Variants in CLSTN2 observed in about 807,000 individuals in gnomAD.
CLSTN2 encodes calsyntenin-2.
A neutral mutation model predicts 101.2 loss-of-function variants in CLSTN2; 48 were observed. The ratio of observed to expected loss-of-function variants is 0.47; its 90% CI spans 0.38 to 0.60. The LOEUF (loss-of-function observed/expected upper bound fraction) is 0.60, where lower values mean the gene tolerates loss of function less well. Among genes scored for constraint, CLSTN2 ranks in the 20% least tolerant of loss-of-function variants. The pLI is 0.00. For synonymous variants in CLSTN2, 481 were observed against 463.6 expected (o/e 1.04, Z -0.48); for missense variants, 1,160 against 1,238.2 (o/e 0.94, Z 0.95).
At chr3:140,011,544 A>AT (rs1207351439) in intron 1 of CLSTN2, among the ~76,000 whole-genome samples, 13 of 152,256 alleles carry the variant, frequency 8.5e-5, no homozygotes, top group African/African-American at 3.1e-4. Context: ...CCAAATGTGC[A>AT]TTTTAAAATG....
chr3:140,078,242 ACCT>A (rs2008525782), intron 1 of CLSTN2, among the ~76,000 whole-genome samples: 1 of 152,024 alleles, frequency 6.6e-6, no homozygotes, highest in South Asian at 2.1e-4. Flanking sequence ...TGCTTGACTT[ACCT>A]CCTCAATGGG....
chr3:140,442,984 T>C (rs538735085), intron 5 of CLSTN2, among the ~76,000 whole-genome samples: 34 of 152,312 alleles, frequency 2.2e-4, no homozygotes, highest in African/African-American at 7.9e-4. Flanking sequence ...ATCAAAGCCA[T>C]TCATCCCTCA....
intron 8 of CLSTN2, among the ~76,000 whole-genome samples, chr3:140,529,190 A>C (rs1935204668): frequency 6.6e-6 from 1 of 151,904 alleles, no homozygotes; most frequent in Non-Finnish European, 1.5e-5. Context: ...CACACTCCTA[A>C]CTCAGACCTC....
intron 2 of CLSTN2, among the ~76,000 whole-genome samples, chr3:140,346,917 A>T (rs1021039838): frequency 6.6e-6 from 1 of 152,238 alleles, no homozygotes; most frequent in Non-Finnish European, 1.5e-5. Flanking sequence ...CTAGTAGCAC[A>T]GATTTCCCTG....
intron 1 of CLSTN2, among the ~76,000 whole-genome samples, chr3:140,020,814 A>G (rs1030036561): frequency 8.5e-5 from 13 of 152,216 alleles, no homozygotes; most frequent in Non-Finnish European, 2.9e-5. Flanking sequence ...CTGTTAGCTC[A>G]GTGAATAAAT....
chr3:140,121,327 G>A (rs1422405342), intron 1 of CLSTN2, among the ~76,000 whole-genome samples: 1 of 152,160 alleles, frequency 6.6e-6, no homozygotes, highest in Non-Finnish European at 1.5e-5. Flanking sequence ...ATTGTGTAGG[G>A]GAAAACTTCC....
At chr3:140,186,050 C>T (rs2010481240) in intron 2 of CLSTN2, among the ~76,000 whole-genome samples, 1 of 152,070 alleles carries the variant, frequency 6.6e-6, no homozygotes, top group Non-Finnish European at 1.5e-5. Flanking sequence ...GGACGTGGGG[C>T]ATCATTAAAG....
At chr3:140,338,673 C>T (rs1253655576) in intron 2 of CLSTN2, among the ~76,000 whole-genome samples, 3 of 152,104 alleles carry the variant, frequency 2.0e-5, no homozygotes, top group Non-Finnish European at 2.9e-5. Flanking sequence ...CCTGTGAGAT[C>T]GTCTGATAAC....
intron 1 of CLSTN2, among the ~76,000 whole-genome samples, chr3:139,959,010 G>A (rs1387183665): frequency 1.3e-5 from 2 of 151,786 alleles, no homozygotes; most frequent in Non-Finnish European, 2.9e-5. Context: ...GGTGAGGAAG[G>A]GGAGGCACTG....
chr3:140,402,155 T>C (rs2088250028), intron 2 of CLSTN2, among the ~76,000 whole-genome samples: 1 of 152,202 alleles, frequency 6.6e-6, no homozygotes, highest in East Asian at 1.9e-4. Context: ...GAAAACATTG[T>C]TAGTAAGAGA....
chr3:139,977,255 G>C (rs1186422425), intron 1 of CLSTN2, among the ~76,000 whole-genome samples: 1 of 152,116 alleles, frequency 6.6e-6, no homozygotes, highest in Non-Finnish European at 1.5e-5. Context: ...AGGCAAGCAG[G>C]CTGCAGGTTC....
chr3:140,386,226 G>A (rs563780982), intron 2 of CLSTN2, among the ~76,000 whole-genome samples: 2 of 152,294 alleles, frequency 1.3e-5, no homozygotes, highest in South Asian at 2.1e-4. Context: ...AGAAGTTAAC[G>A]TACTTTGGCC....
At chr3:140,351,765 T>C (rs2107943073) in intron 2 of CLSTN2, among the ~76,000 whole-genome samples, 1 of 151,202 alleles carries the variant, frequency 6.6e-6, no homozygotes, top group Middle Eastern at 3.4e-3. Flanking sequence ...TAATCATCTT[T>C]GAAAACTTAT....
intron 1 of CLSTN2, among the ~76,000 whole-genome samples, chr3:140,166,281 A>G (rs2010133344): frequency 6.6e-6 from 1 of 152,220 alleles, no homozygotes; most frequent in African/African-American, 2.4e-5. Flanking sequence ...AGGGTCCAGT[A>G]TCTATCTTGG....
intron 1 of CLSTN2, among the ~76,000 whole-genome samples, chr3:140,165,643 A>G (rs1278827345): frequency 6.6e-6 from 1 of 152,156 alleles, no homozygotes; most frequent in Non-Finnish European, 1.5e-5. Flanking sequence ...TGGATAACCT[A>G]GAGAGCTTGG....
intron 2 of CLSTN2, among the ~76,000 whole-genome samples, chr3:140,220,454 T>C (rs1369022767): frequency 6.6e-6 from 1 of 152,228 alleles, no homozygotes; most frequent in African/African-American, 2.4e-5. Flanking sequence ...TAGTTTATAG[T>C]TTCCACTTTC....
intron 9 of CLSTN2, among the ~76,000 whole-genome samples, chr3:140,540,412 G>A (rs1935452472): frequency 6.6e-6 from 1 of 152,194 alleles, no homozygotes; most frequent in Admixed American, 6.5e-5. Context: ...TGTGTGGACC[G>A]AGTTTTAAAG....
At chr3:140,318,069 G>A (rs1422083836) in intron 2 of CLSTN2, among the ~76,000 whole-genome samples, 1 of 152,186 alleles carries the variant, frequency 6.6e-6, no homozygotes, top group Non-Finnish European at 1.5e-5. Context: ...AAGATACAAA[G>A]AAATTAGGTG....
chr3:140,170,552 T>C (rs1023468439), intron 1 of CLSTN2, among the ~76,000 whole-genome samples: 9 of 152,124 alleles, frequency 5.9e-5, no homozygotes, highest in Non-Finnish European at 1.3e-4. Flanking sequence ...TGAGGATTAG[T>C]AAATGTATGG....
Sources: gnomAD v4.1 joint callset for allele counts (sites outside exome capture counted in the v4.1 genomes callset) on GRCh38, gnomAD v4.1.1 for gene constraint, MANE v1.5 for transcripts, NCBI Gene and HGNC (gene_info 2026-07-23, HGNC 2026-07-21) for gene names.